Variants in LRRTM4 observed in about 807,000 individuals in gnomAD.
LRRTM4 encodes leucine-rich repeat transmembrane neuronal protein 4.
A neutral mutation model predicts 47.6 loss-of-function variants in LRRTM4; 25 were observed. The ratio of observed to expected loss-of-function variants is 0.53; its 90% confidence interval spans 0.38 to 0.73. The LOEUF (loss-of-function observed/expected upper bound fraction) is 0.73, where lower values mean the gene tolerates loss of function less well. LRRTM4 is among the 30% of genes least tolerant of loss of function. The pLI is 0.00. For missense variants in LRRTM4, 638 were observed against 713.4 expected (o/e 0.89, Z 1.20); for synonymous variants, 311 against 269.5 (o/e 1.15, Z -1.51).
chr2:77,140,749 A>T (rs1251235287), intron 3 of LRRTM4, among the ~76,000 whole-genome samples: 1 of 152,220 alleles, frequency 6.6e-6, no homozygotes, highest in African/African-American at 2.4e-5. Flanking sequence ...TAATATCCAG[A>T]ATCTGCAATG....
At chr2:76,977,079 G>A (rs545858053) in intron 3 of LRRTM4, among the ~76,000 whole-genome samples, 1 of 151,496 alleles carries the variant, frequency 6.6e-6, no homozygotes, top group South Asian at 2.1e-4. Flanking sequence ...CTCACTTTCA[G>A]CAAAACTCTT....
At chr2:77,288,391 A>G (rs1676722396) in intron 3 of LRRTM4, among the ~76,000 whole-genome samples, 1 of 151,888 alleles carries the variant, frequency 6.6e-6, no homozygotes, top group East Asian at 1.9e-4. Flanking sequence ...AATGAAATGG[A>G]GTGTGAGAAG....
At chr2:77,366,309 T>C (rs1672456666) in intron 3 of LRRTM4, among the ~76,000 whole-genome samples, 1 of 151,894 alleles carries the variant, frequency 6.6e-6, no homozygotes, top group Non-Finnish European at 1.5e-5. Flanking sequence ...TTACCTTGAC[T>C]TCCAAGACAC....
chr2:77,039,507 G>C (rs1421413522), intron 3 of LRRTM4, among the ~76,000 whole-genome samples: 1 of 151,118 alleles, frequency 6.6e-6, no homozygotes, highest in Non-Finnish European at 1.5e-5. Context: ...GACACATTTA[G>C]GACTAGCAGT....
intron 3 of LRRTM4, among the ~76,000 whole-genome samples, chr2:77,162,521 C>A (rs555056503): frequency 1.3e-5 from 2 of 152,170 alleles, no homozygotes; most frequent in Non-Finnish European, 2.9e-5. Context: ...CAGACTGCCT[C>A]CTCAAGTGGG....
rs1286925810 is a variant in LRRTM4 at position 76,883,654 on chromosome 2, ACT to A, written c.1552-134740_1552-134739del. Reference sequence around the variant, plus strand: ...ATATGCCACTCTTCCCCTGACCCCCACTGTTTCTCGCAAATCCCCATCTCAGG... The same window carrying A: ...ATATGCCACTCTTCCCCTGACCCCCAGTTTCTCGCAAATCCCCATCTCAGG... On this transcript the variant is annotated intron_variant, in intron 3 of 3. Coordinates refer to ENST00000409884, the MANE Select transcript of LRRTM4 (RefSeq NM_001134745.3). 1.2e-4 allele frequency among the ~76,000 whole-genome samples: 18 copies of A among 152,102 alleles called. No homozygotes were observed. The East Asian group carries it at 2.9e-3, about 24-fold the overall frequency.
chr2:77,243,100 G>A (rs1415357930), intron 3 of LRRTM4, among the ~76,000 whole-genome samples: 1 of 152,104 alleles, frequency 6.6e-6, no homozygotes, highest in Non-Finnish European at 1.5e-5. Flanking sequence ...TATGGTAAGT[G>A]AAATAAGCCA....
intron 3 of LRRTM4, among the ~76,000 whole-genome samples, chr2:77,493,451 A>G (rs975075519): frequency 3.9e-5 from 6 of 152,120 alleles, no homozygotes; most frequent in Non-Finnish European, 7.4e-5. Flanking sequence ...AAAGGCATTG[A>G]GTCCACAGAA....
intron 3 of LRRTM4, among the ~76,000 whole-genome samples, chr2:76,837,999 A>G (rs938498806): frequency 1.3e-5 from 2 of 151,928 alleles, no homozygotes; most frequent in East Asian, 1.9e-4. Context: ...TGACGAGTTA[A>G]TGGGTGCAGC....
chr2:77,419,780 A>G (rs1253206042), intron 3 of LRRTM4, among the ~76,000 whole-genome samples: 1 of 152,144 alleles, frequency 6.6e-6, no homozygotes, highest in Non-Finnish European at 1.5e-5. Flanking sequence ...AAAGCATATA[A>G]TATTTTATAA....
chr2:76,912,803 C>A (rs1573303988), intron 3 of LRRTM4, among the ~76,000 whole-genome samples: 1 of 152,232 alleles, frequency 6.6e-6, no homozygotes, highest in Admixed American at 6.5e-5. Flanking sequence ...GGGTGTGGCA[C>A]CTCCCCCACT....
In LRRTM4 at chr2:77,168,878, C is replaced by T. The variant is rs72807292; in HGVS notation, c.1551+349440G>A. On this transcript the variant is annotated intron_variant, in intron 3 of 3. Coordinates refer to ENST00000409884, the MANE Select transcript of LRRTM4 (RefSeq NM_001134745.3). The stretch of plus-strand genomic sequence containing the variant: ...TGTTTCTGCAAAAGATAATACTCCA[C>T]CATAATCAAGTGAAATTTATCCCAG... Among the ~76,000 whole-genome samples the T allele has an allele frequency of 3.4e-3, 523 of 152,174 alleles. 1 individual carries two copies. The highest frequency in any genetic ancestry group is 6.1e-3 in the Non-Finnish European group (418 of 67,984).
intron 3 of LRRTM4, among the ~76,000 whole-genome samples, chr2:76,784,386 T>G (rs1439700906): frequency 6.6e-6 from 1 of 152,048 alleles, no homozygotes; most frequent in Non-Finnish European, 1.5e-5. Flanking sequence ...AAGAAAGGCA[T>G]ACATATGGAC....
chr2:77,474,196 C>T (rs1677291781), intron 3 of LRRTM4, among the ~76,000 whole-genome samples: 1 of 150,854 alleles, frequency 6.6e-6, no homozygotes, highest in African/African-American at 2.4e-5. Flanking sequence ...AGGGATAGTC[C>T]AACACAAAGA....
intron 3 of LRRTM4, among the ~76,000 whole-genome samples, chr2:77,180,238 C>T (rs1673311837): frequency 6.6e-6 from 1 of 152,118 alleles, no homozygotes; most frequent in African/African-American, 2.4e-5. Flanking sequence ...TATTCTGAGT[C>T]CCTGAGTCCC....
In LRRTM4 at chr2:77,165,343, T is replaced by C. The variant is rs555805489; in HGVS notation, c.1551+352975A>G. Among the ~76,000 whole-genome samples the C allele has an allele frequency of 1.3e-4, 20 of 152,136 alleles. No individual in the cohort carries two copies. The South Asian group carries it at 3.3e-3, about 25-fold the overall frequency. ...TTAATAGCTTACCAACCAAAAAAAG[T>C]CCAGGACCGACAGATTCACAGCCAA... On this transcript the variant is annotated intron_variant, in intron 3 of 3. Transcript: ENST00000409884.
At chr2:77,311,479 C>T (rs192827081) in intron 3 of LRRTM4, among the ~76,000 whole-genome samples, 110 of 152,266 alleles carry the variant, frequency 7.2e-4, no homozygotes, top group African/African-American at 2.5e-3. Context: ...GGAAATTAGG[C>T]AAGCTTCAAG....
Position 76,794,634 on chromosome 2 carries a change from C to T in LRRTM4, c.1552-45718G>A, listed in dbSNP as rs146658910. Reference sequence around the variant, plus strand: ...AAAAAGCAATAATTTTATCTGTTTTCCTAGTATTTACATTTTTTTGTTTAT... The same window carrying T: ...AAAAAGCAATAATTTTATCTGTTTTTCTAGTATTTACATTTTTTTGTTTAT... On this transcript the variant is annotated intron_variant, in intron 3 of 3. Transcript: ENST00000409884. Among the ~76,000 whole-genome samples, 767 of 152,208 alleles carry T rather than the reference C, an allele frequency of 5.0e-3. 9 individuals carry two copies. The highest frequency in any genetic ancestry group is 0.018 in the African/African-American group (743 of 41,540).
chr2:77,359,232 T>C (rs796903568), intron 3 of LRRTM4, among the ~76,000 whole-genome samples: 28 of 152,264 alleles, frequency 1.8e-4, no homozygotes, highest in African/African-American at 5.3e-4. Flanking sequence ...AACCTTTTAG[T>C]CTAAGTAAGA....
Sources: gnomAD v4.1 joint callset for allele counts (sites outside exome capture counted in the v4.1 genomes callset) on GRCh38, gnomAD v4.1.1 for gene constraint, MANE v1.5 for transcripts, NCBI Gene and HGNC (gene_info 2026-07-23, HGNC 2026-07-21) for gene names.